Variants in UBTD2 observed in about 807,000 individuals in gnomAD.
UBTD2 encodes ubiquitin domain-containing protein 2.
A neutral mutation model predicts 19.8 loss-of-function variants in UBTD2; 9 were observed. That is an observed-to-expected ratio of 0.46 (90% confidence interval 0.27 to 0.79). UBTD2 has a LOEUF of 0.79. Among genes scored for constraint, UBTD2 ranks in the 30% least tolerant of loss-of-function variants. The pLI, the probability that UBTD2 is intolerant of heterozygous loss-of-function variation, is 0.14. For missense variants in UBTD2, 250 were observed against 300.4 expected, an observed-to-expected ratio of 0.83 and a Z score of 1.24; for synonymous variants, 98 against 103.9, an observed-to-expected ratio of 0.94 and a Z score of 0.35.
intron 1 of UBTD2, among the ~76,000 whole-genome samples, chr5:172,280,073 G>C (rs1755678907): frequency 6.6e-6 from 1 of 151,878 alleles, no homozygotes; most frequent in South Asian, 2.1e-4. Context: ...TTGCATTCCA[G>C]CCTGGGCAAC....
intron 1 of UBTD2, among the ~76,000 whole-genome samples, chr5:172,278,506 ACT>A (rs960454437): frequency 1.4e-5 from 2 of 145,164 alleles, no homozygotes; most frequent in Non-Finnish European, 3.0e-5. Flanking sequence ...GCAGAGTGAG[ACT>A]CTGCCTCAGG....
intron 1 of UBTD2, among the ~76,000 whole-genome samples, chr5:172,272,934 C>T (rs1157192502): frequency 6.6e-6 from 1 of 151,990 alleles, no homozygotes; most frequent in Admixed American, 6.6e-5. Context: ...CAAAAATTAG[C>T]TGGGCGTAGT....
intron 1 of UBTD2, among the ~76,000 whole-genome samples, chr5:172,281,419 T>C (rs756527580): frequency 1.3e-5 from 2 of 152,120 alleles, no homozygotes; most frequent in South Asian, 2.1e-4. Context: ...GGATCACTTG[T>C]ACCTGGGAGG....
At chr5:172,218,811 AAAAAATAAAAAT>A (rs1363754594) in intron 2 of UBTD2, among the ~76,000 whole-genome samples, 1 of 71,556 alleles carries the variant, frequency 1.4e-5, no homozygotes. Context: ...AAAAAAAAAT[AAAAAATAAAAAT>A]AAAAAAAATT....
At chr5:172,231,285 A>G (rs981526343) in intron 2 of UBTD2, among the ~76,000 whole-genome samples, 2 of 152,246 alleles carry the variant, frequency 1.3e-5, no homozygotes, top group Admixed American at 6.5e-5. Context: ...CAAGGGCATC[A>G]GTGACAATAT....
chr5:172,245,779 T>C (rs1042800589), intron 1 of UBTD2, among the ~76,000 whole-genome samples: 10 of 150,596 alleles, frequency 6.6e-5, no homozygotes, highest in Admixed American at 5.9e-4. Context: ...GTAACCTAAA[T>C]GGTGCATGTG....
chr5:172,238,254 A>C (rs558769868), intron 1 of UBTD2, among the ~76,000 whole-genome samples: 78 of 152,358 alleles, frequency 5.1e-4, no homozygotes, highest in Non-Finnish European at 8.5e-4. Flanking sequence ...CATACATAGC[A>C]TATAGGACTA....
chr5:172,230,366 T>TG (rs11459698), intron 2 of UBTD2, among the ~76,000 whole-genome samples: 5 of 151,896 alleles, frequency 3.3e-5, no homozygotes, highest in Non-Finnish European at 7.4e-5. Context: ...GATCAAAATC[T>TG]TAATTCAGAA....
At chr5:172,249,292 G>A (rs538627626) in intron 1 of UBTD2, among the ~76,000 whole-genome samples, 59 of 150,606 alleles carry the variant, frequency 3.9e-4, no homozygotes, top group African/African-American at 1.3e-3. Flanking sequence ...CCAGCTACTC[G>A]GGAGGCTGAG....
In UBTD2 at chr5:172,210,650, A is replaced by G. The variant is rs1425787612; in HGVS notation, c.*1180T>C. 1 of 152,228 alleles carries G rather than the reference A, an allele frequency of 6.6e-6. No homozygotes were observed. Among genetic ancestry groups the G allele is most frequent in the Non-Finnish European group, 1.5e-5 (1 of 68,034 alleles). The allele number at this position is 152,228 out of a possible 1,614,324, so 9.4% of individuals were successfully genotyped here. The stretch of plus-strand genomic sequence containing the variant: ...GTCATCTACCATGACTAGAGGTAAC[A>G]GTGAACTGGAAAGCACTAAGGTATA... On this transcript the variant is annotated 3_prime_UTR_variant, in exon 3 of 3. Transcript: ENST00000393792.
intron 1 of UBTD2, among the ~76,000 whole-genome samples, chr5:172,261,949 G>A (rs1380273988): frequency 6.6e-6 from 1 of 152,038 alleles, no homozygotes; most frequent in African/African-American, 2.4e-5. Flanking sequence ...TCTACTGCAA[G>A]GAAAGAAAAG....
intron 1 of UBTD2, among the ~76,000 whole-genome samples, chr5:172,261,557 T>A (rs1029453039): frequency 2.0e-5 from 3 of 152,090 alleles, no homozygotes; most frequent in African/African-American, 7.2e-5. Context: ...TGAGCAGGAT[T>A]ATGCCTTTTC....
At chr5:172,255,174 T>C in intron 1 of UBTD2, 1 of 455,270 alleles carries the variant, frequency 2.2e-6, no homozygotes, top group Non-Finnish European at 4.3e-6. Flanking sequence ...CTCTCTGGTG[T>C]GAGGATAGGA....
chr5:172,247,828 T>C lies in UBTD2; in HGVS notation c.71-13470A>G, dbSNP rs532241370. On this transcript the variant is annotated intron_variant, in intron 1 of 2. Transcript: ENST00000393792. ...GGAGACTTGAACACTATAAACCAAC[T>C]AGACTTAACTGACATAAAGAACATT... Among the ~76,000 whole-genome samples, 93 of 152,242 alleles carry C rather than the reference T, an allele frequency of 6.1e-4. 2 individuals are homozygous for C. In the South Asian group the frequency reaches 0.018, roughly 29 times the overall value.
chr5:172,284,116 T>A (rs1441132489), upstream of UBTD2: 1 of 150,614 alleles, frequency 6.6e-6, no homozygotes, highest in Non-Finnish European at 1.5e-5. Context: ...CCGCCCGGAA[T>A]CGCCGGAGAA....
At chr5:172,231,565 A>G (rs1319033058) in intron 2 of UBTD2, among the ~76,000 whole-genome samples, 1 of 152,212 alleles carries the variant, frequency 6.6e-6, no homozygotes, top group African/African-American at 2.4e-5. Flanking sequence ...GCCCAGCCTT[A>G]CATGCAACAG....
chr5:172,273,537 G>C lies in UBTD2; in HGVS notation c.70+10059C>G, dbSNP rs574153283. Among the ~76,000 whole-genome samples, 494 of 142,772 alleles carry C rather than the reference G, an allele frequency of 3.5e-3. 4 individuals carry two copies. The highest frequency in any genetic ancestry group is 0.012 in the African/African-American group (459 of 37,050). The allele number at this position is 142,772 out of a possible 152,430, so 93.7% of individuals were successfully genotyped here. On this transcript the variant is annotated intron_variant, in intron 1 of 2. Transcript: ENST00000393792. ...ACCTGGGAGGCAGAGGTTGCAGTGA[G>C]CCGAGATTGTACCACTGCGCTCCAG...
chr5:172,247,590 A>G (rs550080484), intron 1 of UBTD2, among the ~76,000 whole-genome samples: 169 of 152,348 alleles, frequency 1.1e-3, no homozygotes, highest in African/African-American at 3.9e-3. Flanking sequence ...ACTTTAAGAC[A>G]AACATTTTTA....
Position 172,283,441 on chromosome 5 carries a change from G to C in UBTD2, c.70+155C>G, listed in dbSNP as rs1322577419. Among the ~76,000 whole-genome samples the C allele has an allele frequency of 6.6e-6, 1 of 152,132 alleles. No homozygotes were observed. Among genetic ancestry groups the C allele is most frequent in the East Asian group, 1.9e-4 (1 of 5,168 alleles). ...GCGGGAAGGGGCGACCCCCGCGGCT[G>C]GCAGGACAGCCGGAAGCGGAGCGCG... On this transcript the variant is annotated intron_variant, in intron 1 of 2. Coordinates refer to ENST00000393792, the MANE Select transcript of UBTD2 (RefSeq NM_152277.3). The surrounding 1 kb of genome is among the most constrained non-coding windows in gnomAD (Gnocchi z 4.3).
Sources: allele counts gnomAD v4.1 joint callset (sites outside exome capture counted in the v4.1 genomes callset), GRCh38; gene constraint gnomAD v4.1.1; non-coding constraint Gnocchi (gnomAD v3.1); transcripts MANE v1.5; gene names NCBI Gene and HGNC (gene_info 2026-07-23, HGNC 2026-07-21).